COL4A3: variants seen among roughly 807,000 people sequenced by gnomAD.
COL4A3 encodes collagen type IV alpha 3 chain.
COL4A3 carries 135 observed loss-of-function variants against 217.4 expected under a neutral mutation model. The ratio of observed to expected loss-of-function variants is 0.62; its 90% CI spans 0.54 to 0.72. The LOEUF (loss-of-function observed/expected upper bound fraction) is 0.72. Ranked by LOEUF, COL4A3 falls within the 30% of genes least tolerant of loss-of-function variation. The pLI, the probability that COL4A3 is intolerant of heterozygous loss-of-function variation, is 0.00. For synonymous variants in COL4A3, 690 were observed against 736.3 expected (o/e 0.94, Z 1.02); for missense variants, 1,868 against 2,119.9 (o/e 0.88, Z 2.33).
chr2:227,173,001 C>T (rs1234683265), intron 1 of COL4A3, among the ~76,000 whole-genome samples: 2 of 152,172 alleles, frequency 1.3e-5, no homozygotes, highest in African/African-American at 2.4e-5. Context: ...CCTATGCTTA[C>T]AGCTTCAACC....
rs2072026368 is a variant in COL4A3 at position 227,282,278 on chromosome 2, AT to A, written c.2489-86del. ...CAGAGGGAGATTCCATCTTAAAAAT[AT>A]ATATATATATATATATATATATTTC... On this transcript the variant is annotated intron_variant, in intron 31 of 51. Transcript: ENST00000396578. The surrounding 1 kb of genome is among the most constrained non-coding windows in gnomAD (Gnocchi z 4.4). 3.9e-3 allele frequency: 113 copies of A among 29,010 alleles called. No homozygotes were observed. Among genetic ancestry groups the A allele is most frequent in the South Asian group, 7.5e-3 (6 of 804 alleles). The allele number at this position is 29,010 out of a possible 1,614,324, so 1.8% of individuals were successfully genotyped here. A position where few individuals can be genotyped will look rare whatever the true frequency, so the allele number is the denominator to read the frequency against.
intron 34 of COL4A3, among the ~76,000 whole-genome samples, chr2:227,285,276 C>CAAAAAAAA (rs1222793392): frequency 1.0e-4 from 1 of 9,912 alleles, no homozygotes; most frequent in Non-Finnish European, 2.7e-4. Flanking sequence ...ACTGCCAAAC[C>CAAAAAAAA]TAAAAAAAAA....
At position 227,282,275 on chromosome 2, in the gene COL4A3, A is replaced by ATATATATATAC. The variant is rs1559896717; in HGVS notation, c.2489-90_2489-89insTATATATATAC. On this transcript the variant is annotated intron_variant, in intron 31 of 51. Coordinates refer to ENST00000396578, the MANE Select transcript of COL4A3 (RefSeq NM_000091.5). The surrounding 1 kb of genome is among the most constrained non-coding windows in gnomAD (Gnocchi z 4.4). Reference sequence around the variant, plus strand: ...AGACAGAGGGAGATTCCATCTTAAAAATATATATATATATATATATATATA... The same window carrying ATATATATATAC: ...AGACAGAGGGAGATTCCATCTTAAAATATATATATACATATATATATATATATATATATATA... 93 of 354,534 alleles carry ATATATATATAC rather than the reference A, an allele frequency of 2.6e-4. No homozygotes were observed. The highest frequency in any genetic ancestry group is 2.1e-3 in the African/African-American group (83 of 40,034). The allele number at this position is 354,534 out of a possible 1,614,324, so 22.0% of individuals were successfully genotyped here.
intron 1 of COL4A3, among the ~76,000 whole-genome samples, chr2:227,213,921 A>C (rs1211779611): frequency 3.2e-5 from 4 of 124,522 alleles, no homozygotes; most frequent in Non-Finnish European, 6.6e-5. Context: ...AAAAAAAAAG[A>C]AAAAGAAAAA....
chr2:227,289,238 A>G lies in COL4A3; in HGVS notation c.2970A>G (p.Ala990=). ...LKGLKGLPGP[A]GPPGPRGDLG... ...GCCTCAAAGGACTACCCGGACCAGC[A>G]GGACCACCAGGTACAGCTGATTCTC... The change falls in exon 35 of 52, where the codon GCA becomes GCG. Residue 990 remains alanine, a synonymous_variant. Coordinates refer to ENST00000396578, the MANE Select transcript of COL4A3 (RefSeq NM_000091.5). The G allele has an allele frequency of 6.2e-7, 1 of 1,612,254 alleles. No homozygotes were observed. Among genetic ancestry groups the G allele is most frequent in the East Asian group, 2.2e-5 (1 of 44,878 alleles).
intron 41 of COL4A3, 80 bp from the exon 42 acceptor site, chr2:227,297,594 C>T: frequency 7.5e-7 from 1 of 1,332,036 alleles, no homozygotes; most frequent in Non-Finnish European, 1.1e-6. Context: ...AGCAAAGTAC[C>T]TACATTATTA....
intron 1 of COL4A3, among the ~76,000 whole-genome samples, chr2:227,223,096 C>G (rs1025236656): frequency 6.6e-6 from 1 of 151,996 alleles, no homozygotes; most frequent in Non-Finnish European, 1.5e-5. Context: ...ATCTTAGTTC[C>G]TTTTTAATAC....
At chr2:227,195,665 A>ATGTGTGTGTGTGTGTGTGTGTG (rs769877364) in intron 1 of COL4A3, among the ~76,000 whole-genome samples, 11 of 129,112 alleles carry the variant, frequency 8.5e-5, no homozygotes, top group African/African-American at 2.4e-4. Flanking sequence ...ATATATATAT[A>ATGTGTGTGTGTGTGTGTGTGTG]TATGTGTGTG....
At chr2:227,303,202 C>A in intron 44 of COL4A3, 92 bp downstream of exon 44, 1 of 1,092,154 alleles carries the variant, frequency 9.2e-7, no homozygotes, top group Non-Finnish European at 1.4e-6. Context: ...GTACAGACAG[C>A]TGGGGTTAGT....
At chr2:227,212,949 C>G (rs966592754) in intron 1 of COL4A3, among the ~76,000 whole-genome samples, 1 of 152,174 alleles carries the variant, frequency 6.6e-6, no homozygotes, top group Non-Finnish European at 1.5e-5. Context: ...CTGCTTAAAG[C>G]CAAACTAAAG....
At chr2:227,173,395 T>C (rs774701065) in intron 1 of COL4A3, among the ~76,000 whole-genome samples, 7 of 152,322 alleles carry the variant, frequency 4.6e-5, no homozygotes, top group Middle Eastern at 3.4e-3. Context: ...AGGTTCCACG[T>C]TGATCTCCCA....
intron 9 of COL4A3, among the ~76,000 whole-genome samples, chr2:227,249,230 A>ATATATATATTTTTTTTT: frequency 6.8e-5 from 1 of 14,690 alleles, no homozygotes; most frequent in African/African-American, 2.7e-4. Context: ...ATATATATAT[A>ATATATATATTTTTTTTT]TTTTTTTTTT....
In COL4A3 at chr2:227,246,676, G is replaced by A. The variant is rs1477415460; in HGVS notation, c.388-9G>A. 1 of 1,608,200 alleles carries A rather than the reference G, an allele frequency of 6.2e-7. No homozygotes were observed. The highest frequency in any genetic ancestry group is 1.1e-5 in the South Asian group (1 of 90,910). ...CTAAGAATAATAAGAAACTTTGTATGTCTTTTAGGGTGAGCAGGGGTTTCC... is the reference window on the plus strand; with the variant it reads ...CTAAGAATAATAAGAAACTTTGTATATCTTTTAGGGTGAGCAGGGGTTTCC... On this transcript the variant is annotated splice_polypyrimidine_tract_variant and intron_variant, in intron 6 of 51. Transcript: ENST00000396578.
intron 34 of COL4A3, among the ~76,000 whole-genome samples, chr2:227,288,120 G>C (rs1040327149): frequency 6.6e-6 from 1 of 152,180 alleles, no homozygotes; most frequent in Non-Finnish European, 1.5e-5. Context: ...TTTTGAGACG[G>C]AGTCTCGCTC....
intron 33 of COL4A3, 71 bp from the exon 34 acceptor site, chr2:227,284,140 C>T: frequency 6.2e-7 from 1 of 1,601,706 alleles, no homozygotes; most frequent in Non-Finnish European, 8.5e-7. Flanking sequence ...ATAGTAAGCA[C>T]TGCCAACTTT....
intron 1 of COL4A3, among the ~76,000 whole-genome samples, chr2:227,183,474 T>C (rs1020678728): frequency 2.6e-5 from 4 of 151,962 alleles, no homozygotes. Flanking sequence ...ACGAGGAAAA[T>C]ACAAATCAGA....
In COL4A3 at chr2:227,303,019, C is replaced by T. The variant is rs779227420; in HGVS notation, c.3883-19C>T. The T allele has an allele frequency of 1.3e-6, 2 of 1,588,344 alleles. No individual in the cohort carries two copies. The highest frequency in any genetic ancestry group is 1.7e-6 in the Non-Finnish European group (2 of 1,156,574). ...TTTAAAAATTTGTTTTGGTTCTGCT[C>T]CCTTTATTTGAAATATAGGGAGCAC... On this transcript the variant is annotated intron_variant, in intron 43 of 51. Transcript: ENST00000396578.
intron 1 of COL4A3, among the ~76,000 whole-genome samples, chr2:227,196,027 G>T (rs2066462245): frequency 2.6e-5 from 4 of 152,042 alleles, no homozygotes; most frequent in Admixed American, 2.6e-4. Flanking sequence ...TGTACCATGT[G>T]TTTGTGGTTT....
chr2:227,229,533 A>G (rs2068275215), intron 1 of COL4A3, among the ~76,000 whole-genome samples: 1 of 152,140 alleles, frequency 6.6e-6, no homozygotes, highest in Non-Finnish European at 1.5e-5. Context: ...GTCAGGGAGG[A>G]AGGTGGCTAG....
Sources: gnomAD v4.1 joint callset for allele counts (sites outside exome capture counted in the v4.1 genomes callset) on GRCh38, gnomAD v4.1.1 for gene constraint, Gnocchi (gnomAD v3.1) non-coding constraint, MANE v1.5 for transcripts, NCBI Gene and HGNC (gene_info 2026-07-23, HGNC 2026-07-21) for gene names.